The following GALNTL6 variants were observed in gnomAD, a reference collection of about 807,000 sequenced individuals.
The protein encoded by GALNTL6 is polypeptide N-acetylgalactosaminyltransferase like 6.
GALNTL6 carries 46 observed loss-of-function variants against 73.7 expected under a neutral mutation model. The observed-to-expected ratio is 0.62, with a 90% confidence interval of 0.49 to 0.80. GALNTL6 has a LOEUF of 0.80. Among genes scored for constraint, GALNTL6 ranks in the 30% least tolerant of loss-of-function variants. GALNTL6 has a pLI of 0.00. For missense variants in GALNTL6, 604 were observed against 755.0 expected, an observed-to-expected ratio of 0.80 and a Z score of 2.34; for synonymous variants, 259 against 263.7, an observed-to-expected ratio of 0.98 and a Z score of 0.17.
At chr4:172,642,515 C>A (rs1740035882) in intron 5 of GALNTL6, among the ~76,000 whole-genome samples, 1 of 151,852 alleles carries the variant, frequency 6.6e-6, no homozygotes, top group African/African-American at 2.4e-5. Flanking sequence ...TATGTGGAAT[C>A]TTAAAAAGTC....
chr4:172,373,658 C>A (rs1281069751), intron 5 of GALNTL6, among the ~76,000 whole-genome samples: 2 of 152,126 alleles, frequency 1.3e-5, no homozygotes, highest in Non-Finnish European at 2.9e-5. Context: ...AAGTAGGGGA[C>A]AACAAATGGG....
At chr4:172,139,652 T>C (rs571535357) in intron 2 of GALNTL6, among the ~76,000 whole-genome samples, 1 of 152,352 alleles carries the variant, frequency 6.6e-6, no homozygotes, top group African/African-American at 2.4e-5. Context: ...CCGTCTGTAG[T>C]ACTTTCTTCC....
intron 2 of GALNTL6, among the ~76,000 whole-genome samples, chr4:171,934,721 C>A (rs1578985902): frequency 6.6e-6 from 1 of 152,092 alleles, no homozygotes; most frequent in South Asian, 2.1e-4. Flanking sequence ...CAGCCAAGAC[C>A]CTTCTTTTAG....
intron 5 of GALNTL6, among the ~76,000 whole-genome samples, chr4:172,445,623 T>C (rs1022995508): frequency 1.3e-5 from 2 of 152,192 alleles, no homozygotes; most frequent in African/African-American, 4.8e-5. Flanking sequence ...GATCAACTTA[T>C]TAAGTAAATG....
At chr4:171,952,493 G>A (rs1248102503) in intron 2 of GALNTL6, among the ~76,000 whole-genome samples, 1 of 151,954 alleles carries the variant, frequency 6.6e-6, no homozygotes, top group Non-Finnish European at 1.5e-5. Context: ...TGATGTTTCT[G>A]AATTTAGTGA....
chr4:172,569,743 A>T (rs1014074217), intron 5 of GALNTL6, among the ~76,000 whole-genome samples: 1 of 152,192 alleles, frequency 6.6e-6, no homozygotes, highest in African/African-American at 2.4e-5. Context: ...GGTGCTTTTG[A>T]GACATCCAAG....
rs542486398 is a variant in GALNTL6, at chr4:171,826,026, T to C, written c.138+11308T>C. On this transcript the variant is annotated intron_variant, in intron 2 of 12. Transcript: ENST00000506823. Reference sequence around the variant, plus strand: ...GTAAATATAGCTTAGTTGTGTCACCTTAACAGAAACAATCTTTCACAAGTT... The same window carrying C: ...GTAAATATAGCTTAGTTGTGTCACCCTAACAGAAACAATCTTTCACAAGTT... 1.6e-4 allele frequency among the ~76,000 whole-genome samples: 25 copies of C among 152,190 alleles called. 1 individual carries two copies. The highest frequency in any genetic ancestry group is 8.3e-4 in the South Asian group (4 of 4,832).
chr4:172,963,736 G>A (rs574274099), intron 10 of GALNTL6, among the ~76,000 whole-genome samples: 3 of 152,318 alleles, frequency 2.0e-5, no homozygotes, highest in East Asian at 1.9e-4. Flanking sequence ...GGCCAGAAAG[G>A]CAGTTTGAGT....
At position 172,962,627 on chromosome 4, in the gene GALNTL6, T is replaced by C. The variant is rs562635996; in HGVS notation, c.1371+10369T>C. ...GGAAGGAACCACAAACCTCCAGCAA[T>C]GTAAACACAAGATTCCTTTATGGGA... On this transcript the variant is annotated intron_variant, in intron 10 of 12. Coordinates refer to ENST00000506823, the MANE Select transcript of GALNTL6 (RefSeq NM_001034845.3). 3.1e-4 allele frequency among the ~76,000 whole-genome samples: 47 copies of C among 152,144 alleles called. 1 individual carries two copies. Among genetic ancestry groups the C allele is most frequent in the Non-Finnish European group, 6.6e-4 (45 of 68,020 alleles).
At chr4:172,083,042 C>T (rs978881384) in intron 2 of GALNTL6, among the ~76,000 whole-genome samples, 8 of 152,104 alleles carry the variant, frequency 5.3e-5, no homozygotes, top group Admixed American at 6.6e-5. Flanking sequence ...GTTTCATTTT[C>T]CCAAGTCCTC....
intron 3 of GALNTL6, among the ~76,000 whole-genome samples, chr4:172,280,006 A>G (rs1036804022): frequency 6.6e-6 from 1 of 152,172 alleles, no homozygotes; most frequent in African/African-American, 2.4e-5. Flanking sequence ...AACCTGCTCC[A>G]CCTATATTAC....
intron 5 of GALNTL6, among the ~76,000 whole-genome samples, chr4:172,715,810 G>A (rs778351227): frequency 3.3e-5 from 5 of 152,106 alleles, no homozygotes; most frequent in Non-Finnish European, 7.3e-5. Context: ...GGTGTTAAAA[G>A]GTCTTGCATA....
intron 7 of GALNTL6, among the ~76,000 whole-genome samples, chr4:172,826,685 G>T (rs1044679206): frequency 1.3e-5 from 2 of 152,214 alleles, no homozygotes; most frequent in African/African-American, 4.8e-5. Flanking sequence ...TACCCATCCC[G>T]TAGGGAGAGG....
chr4:171,855,461 T>C (rs1239975593), intron 2 of GALNTL6, among the ~76,000 whole-genome samples: 1 of 152,234 alleles, frequency 6.6e-6, no homozygotes, highest in Non-Finnish European at 1.5e-5. Context: ...AACTCATTTC[T>C]TTTTGTTGCT....
chr4:173,004,309 A>C (rs1416521213), intron 10 of GALNTL6, among the ~76,000 whole-genome samples: 1 of 152,218 alleles, frequency 6.6e-6, no homozygotes, highest in East Asian at 1.9e-4. Flanking sequence ...CCAGCTCTGC[A>C]AATAAATTTG....
chr4:172,752,547 C>CTT (rs1264676103), intron 5 of GALNTL6, among the ~76,000 whole-genome samples: 2 of 151,752 alleles, frequency 1.3e-5, no homozygotes, highest in African/African-American at 4.8e-5. Context: ...ATTAGTTATT[C>CTT]TTTAATTTGT....
chr4:172,200,156 A>G (rs940493617), intron 2 of GALNTL6, among the ~76,000 whole-genome samples: 1 of 152,156 alleles, frequency 6.6e-6, no homozygotes, highest in Non-Finnish European at 1.5e-5. Context: ...TGTATTCTAG[A>G]TGCAGTATAG....
chr4:172,292,216 G>A (rs1285507548), intron 3 of GALNTL6, among the ~76,000 whole-genome samples: 1 of 151,666 alleles, frequency 6.6e-6, no homozygotes, highest in East Asian at 1.9e-4. Flanking sequence ...ATTTTGAAGA[G>A]ATCTGACAAT....
chr4:172,102,964 G>C (rs1732561906), intron 2 of GALNTL6, among the ~76,000 whole-genome samples: 1 of 152,166 alleles, frequency 6.6e-6, no homozygotes, highest in Non-Finnish European at 1.5e-5. Flanking sequence ...TATCTTCAAA[G>C]TTTCTCTCTC....
Sources: gnomAD v4.1 joint callset for allele counts (sites outside exome capture counted in the v4.1 genomes callset) on GRCh38, gnomAD v4.1.1 for gene constraint, MANE v1.5 for transcripts, NCBI Gene and HGNC (gene_info 2026-07-23, HGNC 2026-07-21) for gene names.